Variants in ABCA1 observed in about 807,000 individuals in gnomAD.
ABCA1 encodes the protein phospholipid-transporting ATPase ABCA1.
Under a neutral mutation model 262.5 loss-of-function variants are expected in ABCA1, and 133 were observed. The ratio of observed to expected loss-of-function variants is 0.51; its 90% CI spans 0.44 to 0.59. The LOEUF (loss-of-function observed/expected upper bound fraction) is 0.59, where lower values mean the gene tolerates loss of function less well. Ranked by LOEUF, ABCA1 falls within the 20% of genes least tolerant of loss-of-function variation. The probability of loss-of-function intolerance (pLI) is 0.00; values close to 1 mark genes in which losing one functional copy is unlikely to be tolerated. For synonymous variants in ABCA1, 1,022 were observed against 1,043.5 expected, an observed-to-expected ratio of 0.98 and a Z score of 0.40; for missense variants, 2,452 against 2,777.5, an observed-to-expected ratio of 0.88 and a Z score of 2.63.
chr9:104,837,390 G>C, intron 10 of ABCA1, 38 bp downstream of exon 10: 1 of 1,613,718 alleles, frequency 6.2e-7, no homozygotes, highest in Non-Finnish European at 8.5e-7. Flanking sequence ...GTTCTGGGGA[G>C]ATTCTGGGGA....
At chr9:104,851,360 C>T (rs745741849) in intron 7 of ABCA1, among the ~76,000 whole-genome samples, 2 of 152,174 alleles carry the variant, frequency 1.3e-5, no homozygotes, top group African/African-American at 4.8e-5. Context: ...CTGCCTCAGC[C>T]GACCTTTGCC....
At chr9:104,894,305 T>C (rs1253521246) in intron 2 of ABCA1, among the ~76,000 whole-genome samples, 1 of 152,094 alleles carries the variant, frequency 6.6e-6, no homozygotes, top group Admixed American at 6.5e-5. Flanking sequence ...GCTCAAAATA[T>C]GTTGGTTGAC....
intron 3 of ABCA1, among the ~76,000 whole-genome samples, chr9:104,886,052 G>A (rs1005205170): frequency 3.9e-5 from 6 of 152,132 alleles, no homozygotes; most frequent in African/African-American, 1.2e-4. Context: ...GGTGAGCATC[G>A]CATGAGACCT....
intron 44 of ABCA1, among the ~76,000 whole-genome samples, chr9:104,789,267 T>G (rs557426221): frequency 1.3e-5 from 2 of 152,294 alleles, no homozygotes; most frequent in East Asian, 3.9e-4. Flanking sequence ...CCAAATCAGT[T>G]CTTACAACCA....
chr9:104,875,820 G>A (rs1838112902), intron 5 of ABCA1, among the ~76,000 whole-genome samples: 1 of 152,256 alleles, frequency 6.6e-6, no homozygotes, highest in Middle Eastern at 3.4e-3. Context: ...AGTTCTCATG[G>A]AGAGTGCCAT....
intron 34 of ABCA1, among the ~76,000 whole-genome samples, chr9:104,800,992 T>C (rs1339011660): frequency 1.3e-5 from 2 of 152,004 alleles, no homozygotes; most frequent in Non-Finnish European, 2.9e-5. Context: ...GGACTATCAC[T>C]GCTGTCCACA....
At chr9:104,791,780 G>A (rs1333617156) in intron 43 of ABCA1, among the ~76,000 whole-genome samples, 156 bp downstream of exon 43, 3 of 152,154 alleles carry the variant, frequency 2.0e-5, no homozygotes, top group African/African-American at 7.2e-5. Context: ...TTGACATACA[G>A]GGTCCCTCTC....
intron 2 of ABCA1, among the ~76,000 whole-genome samples, chr9:104,897,633 C>T (rs1016357405): frequency 8.5e-5 from 13 of 152,112 alleles, no homozygotes; most frequent in African/African-American, 2.9e-4. Context: ...GACAGAGTCT[C>T]GCTCTGTCAC....
Position 104,827,075 on chromosome 9 carries a change from C to T in ABCA1, c.2210G>A (p.Ser737Asn). The T allele has an allele frequency of 6.2e-7, 1 of 1,614,178 alleles. No homozygotes were observed. Among genetic ancestry groups the T allele is most frequent in the Non-Finnish European group, 8.5e-7 (1 of 1,180,026 alleles). The change falls in exon 16 of 50, where the codon AGC becomes AAC. Residue 737 changes from serine to asparagine, a missense_variant. Ser to Asn is a conservative substitution (Grantham distance 46, BLOSUM62 1). Coordinates refer to ENST00000374736, the MANE Select transcript of ABCA1 (RefSeq NM_005502.4). ...VVTILQCFLISTLFSRANLAA... is the reference protein window; with the variant it reads ...VVTILQCFLINTLFSRANLAA... ...CAGGTTGGCTCTGGAGAAGAGTGTG[C>T]TAATCAGGAAGCACTGCAGGATTGT...
intron 1 of ABCA1, among the ~76,000 whole-genome samples, chr9:104,904,147 C>T (rs1195036406): frequency 6.6e-6 from 1 of 152,204 alleles, no homozygotes; most frequent in African/African-American, 2.4e-5. Context: ...AAGAAAATGC[C>T]TCCCCTTACA....
At chr9:104,873,481 T>G (rs772400903) in intron 5 of ABCA1, among the ~76,000 whole-genome samples, 165 of 152,362 alleles carry the variant, frequency 1.1e-3, no homozygotes, top group Non-Finnish European at 9.6e-4. Context: ...AGAAGCCCTC[T>G]TGTCTCCTTT....
intron 19 of ABCA1, 33 bp downstream of exon 19, chr9:104,822,463 G>C: frequency 6.2e-7 from 1 of 1,612,124 alleles, no homozygotes; most frequent in Non-Finnish European, 8.5e-7. Context: ...CCCTCCTGTG[G>C]CTGATTCTGC....
At chr9:104,873,521 C>G (rs1477699515) in intron 5 of ABCA1, among the ~76,000 whole-genome samples, 1 of 152,202 alleles carries the variant, frequency 6.6e-6, no homozygotes, top group Non-Finnish European at 1.5e-5. Context: ...GCCCCATGTC[C>G]TGTGACTTTA....
chr9:104,883,207 T>C (rs1838845856), intron 4 of ABCA1, 50 bp from the exon 5 acceptor site: 1 of 1,480,966 alleles, frequency 6.8e-7, no homozygotes, highest in Non-Finnish European at 9.4e-7. Context: ...GCCAACTGCC[T>C]CTGCTGCTTT....
rs1382766437 is a variant in ABCA1, at chr9:104,798,529, G to T, written c.5013C>A (p.Ser1671Arg). The change falls in exon 37 of 50, where the codon AGC becomes AGA. Residue 1671 changes from serine (S) to arginine (R), a missense_variant. By Grantham distance (110) the Ser-to-Arg change is moderately radical. Around this residue, in one of 4 missense-constraint regions of ABCA1, gnomAD observed 752 missense variants for 944.5 expected, o/e 0.80. Coordinates refer to ENST00000374736, the MANE Select transcript of ABCA1 (RefSeq NM_005502.4). ...VIFAMSFVPA[S>R]FVVFLIQERV... The stretch of plus-strand genomic sequence containing the variant: ...GCTCCTGGATCAGGAATACGACAAA[G>T]CTGGCTGGGACGAAGGACATTGCAA... 1.9e-6 allele frequency: 3 copies of T among 1,614,202 alleles called. No individual in the cohort carries two copies. The highest frequency in any genetic ancestry group is 1.3e-5 in the African/African-American group (1 of 75,056).
intron 1 of ABCA1, among the ~76,000 whole-genome samples, chr9:104,926,481 A>AC (rs1826344887): frequency 6.7e-6 from 1 of 149,616 alleles, no homozygotes; most frequent in Non-Finnish European, 1.5e-5. Context: ...AAAAAAAAAA[A>AC]AACAAAACGG....
chr9:104,794,530 A>AAT lies in ABCA1; in HGVS notation c.5383-21_5383-20insAT. ...CAGCTTCTAAAAAAAAAAAAAAAAA[A>AAT]TGGGAGGGAAGGGAGGGTGAGGGAG... On this transcript the variant is annotated intron_variant, in intron 39 of 49. Coordinates refer to ENST00000374736, the MANE Select transcript of ABCA1 (RefSeq NM_005502.4). 1 of 1,567,704 alleles carries AAT rather than the reference A, an allele frequency of 6.4e-7. No homozygotes were observed. Among genetic ancestry groups the AAT allele is most frequent in the Non-Finnish European group, 8.7e-7 (1 of 1,149,570 alleles).
At chr9:104,803,034 A>G (rs1388710420) in intron 33 of ABCA1, among the ~76,000 whole-genome samples, 1 of 152,168 alleles carries the variant, frequency 6.6e-6, no homozygotes, top group Non-Finnish European at 1.5e-5. Context: ...AATATTTCAG[A>G]GGCCTCTGGA....
chr9:104,862,649 C>CA (rs1554729347), intron 5 of ABCA1, among the ~76,000 whole-genome samples: 1 of 11,692 alleles, frequency 8.6e-5, no homozygotes, highest in Non-Finnish European at 1.8e-4. Flanking sequence ...CGGGCCGGGC[C>CA]GGGCCGGGCC....
Sources: gnomAD v4.1 joint callset for allele counts (sites outside exome capture counted in the v4.1 genomes callset) on GRCh38, gnomAD v4.1.1 for gene constraint, gnomAD v4.1.1 regional missense constraint, MANE v1.5 for transcripts, NCBI Gene and HGNC (gene_info 2026-07-23, HGNC 2026-07-21) for gene names.